POLG2: variants seen among roughly 807,000 people sequenced by gnomAD.
POLG2 encodes the protein DNA polymerase gamma 2, accessory subunit, also known as DNA polymerase subunit gamma-2.
A neutral mutation model predicts 56.5 loss-of-function variants in POLG2; 50 were observed. That is an observed-to-expected ratio of 0.88 (90% CI 0.71 to 1.12). POLG2 has a LOEUF of 1.12. Ranked by LOEUF, POLG2 falls within the 50% of genes most tolerant of loss-of-function variation. The probability of loss-of-function intolerance (pLI) is 0.00; values close to 1 mark genes in which losing one functional copy is unlikely to be tolerated. For synonymous variants in POLG2, 226 were observed against 222.6 expected (o/e 1.02, Z -0.14); for missense variants, 584 against 583.3 (o/e 1.00, Z -0.01).
chr17:64,496,173 T>C (rs1364139300), intron 1 of POLG2, among the ~76,000 whole-genome samples: 54 of 152,210 alleles, frequency 3.5e-4, no homozygotes, highest in East Asian at 1.9e-4. Flanking sequence ...CCCCGTGAAA[T>C]TGAGAGCGTT....
intron 7 of POLG2, among the ~76,000 whole-genome samples, chr17:64,478,679 T>C (rs1246583279): frequency 6.6e-6 from 1 of 151,896 alleles, no homozygotes; most frequent in African/African-American, 2.4e-5. Flanking sequence ...GGGCGGATCA[T>C]GAGGTCAGGA....
intron 4 of POLG2, among the ~76,000 whole-genome samples, chr17:64,489,806 T>C (rs1486971311): frequency 1.3e-5 from 2 of 152,032 alleles, no homozygotes; most frequent in Non-Finnish European, 2.9e-5. Context: ...CATTAGTAAC[T>C]GATCTGGGCA....
chr17:64,480,587 A>C (rs1555666332), intron 6 of POLG2, among the ~76,000 whole-genome samples, 198 bp from the exon 7 acceptor site: 1 of 152,248 alleles, frequency 6.6e-6, no homozygotes, highest in East Asian at 1.9e-4. Context: ...TGAAGTAATT[A>C]AGCATAGCAA....
At chr17:64,484,974 AAACT>A in intron 5 of POLG2, among the ~76,000 whole-genome samples, 1 of 152,330 alleles carries the variant, frequency 6.6e-6, no homozygotes, top group South Asian at 2.1e-4. Flanking sequence ...TTCCACATTT[AAACT>A]AATAGTGCCT....
At chr17:64,491,779 A>G (rs1011567589) in intron 3 of POLG2, 4 of 611,352 alleles carry the variant, frequency 6.5e-6, no homozygotes, top group South Asian at 1.5e-5. Flanking sequence ...CGGCTATGCA[A>G]GTACCACTGA....
chr17:64,496,931 A>T lies in POLG2; in HGVS notation c.38T>A (p.Val13Asp). The T allele has an allele frequency of 1.2e-6, 2 of 1,610,864 alleles. No homozygotes were observed. The highest frequency in any genetic ancestry group is 1.7e-6 in the Non-Finnish European group (2 of 1,179,962). ...SRVAVRACHK[V>D]CRCLLSGFGG... ...AAACCCAGACAACAGGCACCTGCAG[A>T]CCTTATGGCAGGCCCTGACGGCTAC... The change falls in exon 1 of 8, where the codon GTC becomes GAC. Residue 13 changes from valine (V) to aspartate (D), a missense_variant. Coordinates refer to ENST00000539111, the MANE Select transcript of POLG2 (RefSeq NM_007215.4).
intron 3 of POLG2, among the ~76,000 whole-genome samples, chr17:64,491,276 G>T (rs901877989): frequency 1.3e-5 from 2 of 152,116 alleles, no homozygotes; most frequent in Non-Finnish European, 2.9e-5. Flanking sequence ...TGGGACCACA[G>T]GTTGCTGAAA....
chr17:64,485,936 G>A (rs1303033587), intron 4 of POLG2, 68 bp from the exon 5 acceptor site: 50 of 1,479,962 alleles, frequency 3.4e-5, no homozygotes, highest in Non-Finnish European at 3.8e-5. Context: ...TTTTTGAGAC[G>A]GAGTCTCACT....
chr17:64,488,850 C>T (rs1555667987), intron 4 of POLG2, among the ~76,000 whole-genome samples: 1 of 152,054 alleles, frequency 6.6e-6, no homozygotes, highest in Non-Finnish European at 1.5e-5. Context: ...CACCTATAGT[C>T]CTAGCTACTC....
intron 1 of POLG2, among the ~76,000 whole-genome samples, chr17:64,493,878 C>T (rs1213673230): frequency 6.6e-6 from 1 of 152,170 alleles, no homozygotes; most frequent in Admixed American, 6.5e-5. Context: ...CATCAATTAT[C>T]AACATTTTGC....
At chr17:64,480,513 T>C in intron 6 of POLG2, 124 bp from the exon 7 acceptor site, 2 of 527,300 alleles carry the variant, frequency 3.8e-6, no homozygotes, top group Non-Finnish European at 7.2e-6. Flanking sequence ...TCTTTAATTA[T>C]GTGATGTTAA....
At chr17:64,478,305 T>C (rs1425604943) in intron 7 of POLG2, among the ~76,000 whole-genome samples, 1 of 152,224 alleles carries the variant, frequency 6.6e-6, no homozygotes, top group Non-Finnish European at 1.5e-5. Flanking sequence ...CTTTTGGTTC[T>C]TGGATGCAAT....
Position 64,496,526 on chromosome 17 carries a change from A to G in POLG2, c.443T>C (p.Val148Ala). ...LLPGDSAFRL[V>A]SAETLREILQ... ...GATTTCGCGTAGAGTTTCTGCAGAA[A>G]CTAACCTGAAGGCACTGTCCCCGGG... Residue 148 changes from valine (V) to alanine (A), a missense_variant, in exon 1 of 8, where the codon GTT becomes GCT. Physicochemically the swap from Val to Ala is moderately conservative, Grantham distance 64. Coordinates refer to ENST00000539111, the MANE Select transcript of POLG2 (RefSeq NM_007215.4). 6.2e-7 allele frequency: 1 copy of G among 1,613,698 alleles called. No individual in the cohort carries two copies. Among genetic ancestry groups the G allele is most frequent in the Non-Finnish European group, 8.5e-7 (1 of 1,179,708 alleles).
At chr17:64,484,070 G>C (rs1265293721) in intron 5 of POLG2, 1 of 152,172 alleles carries the variant, frequency 6.6e-6, no homozygotes, top group Non-Finnish European at 1.5e-5. Flanking sequence ...CTGATACCAG[G>C]AACAGTTCCA....
intron 4 of POLG2, among the ~76,000 whole-genome samples, chr17:64,489,956 C>T (rs920566434): frequency 6.0e-5 from 9 of 151,126 alleles, no homozygotes; most frequent in Middle Eastern, 3.2e-3. Flanking sequence ...GACAGAGTCT[C>T]GTTCTGTCGC....
intron 3 of POLG2, 74 bp from the exon 4 acceptor site, chr17:64,491,043 G>A: frequency 8.8e-7 from 1 of 1,139,564 alleles, no homozygotes; most frequent in Non-Finnish European, 1.3e-6. Context: ...TTATCTGTAA[G>A]AATTTAAATT....
At chr17:64,479,886 C>G (rs2037829412) in intron 7 of POLG2, among the ~76,000 whole-genome samples, 1 of 152,206 alleles carries the variant, frequency 6.6e-6, no homozygotes, top group African/African-American at 2.4e-5. Flanking sequence ...CCTTAGAAGA[C>G]TAGAACAGAC....
chr17:64,496,552 TA>T lies in POLG2; in HGVS notation c.416del (p.Leu139HisfsTer9). ...CTAACCTGAAGGCACTGTCCCCGGGTAGCAAAGGGCCTGGTTTGTGGTGGAG... is the reference window on the plus strand; with the variant it reads ...CTAACCTGAAGGCACTGTCCCCGGGTGCAAAGGGCCTGGTTTGTGGTGGAG... Reference protein sequence around the residue: ...DALHHKPGPLLPGDSAFRLVS... With the variant: ...DALHHKPGPLXPGDSAFRLVS... On this transcript the variant is annotated frameshift_variant, in exon 1 of 8. Coordinates refer to ENST00000539111, the MANE Select transcript of POLG2 (RefSeq NM_007215.4). LOFTEE classifies it high-confidence loss of function. 3.1e-6 allele frequency: 5 copies of T among 1,613,108 alleles called. No individual in the cohort carries two copies. Among genetic ancestry groups the T allele is most frequent in the Non-Finnish European group, 4.2e-6 (5 of 1,179,272 alleles).
chr17:64,480,658 C>T (rs1598119519), intron 6 of POLG2, among the ~76,000 whole-genome samples: 1 of 152,090 alleles, frequency 6.6e-6, no homozygotes, highest in East Asian at 1.9e-4. Flanking sequence ...ATTTTTATTA[C>T]CCTTAGTATC....
Sources: gnomAD v4.1 joint callset for allele counts (sites outside exome capture counted in the v4.1 genomes callset) on GRCh38, gnomAD v4.1.1 for gene constraint, MANE v1.5 for transcripts, NCBI Gene and HGNC (gene_info 2026-07-23, HGNC 2026-07-21) for gene names.